Variants in SSC5D observed in about 807,000 individuals in gnomAD.
The protein encoded by SSC5D is soluble scavenger receptor cysteine-rich domain-containing protein SSC5D.
Under a neutral mutation model 104.6 loss-of-function variants are expected in SSC5D, and 106 were observed. That is an observed-to-expected ratio of 1.01 (90% CI 0.87 to 1.19). The LOEUF is 1.19. SSC5D is among the 50% of genes most tolerant of loss of function. The pLI, the probability that SSC5D is intolerant of heterozygous loss-of-function variation, is 0.00. For missense variants in SSC5D, 1,993 were observed against 2,153.8 expected (o/e 0.93, Z 1.48); for synonymous variants, 860 against 883.5 (o/e 0.97, Z 0.47).
In SSC5D at chr19:55,489,495, G is replaced by A. The variant is rs746414154; in HGVS notation, c.194G>A (p.Gly65Glu). ...GCCTGCCGGCAGCTGGGCTGCGGAG[G>A]GGCACTGGCCGCCCCGGGAGGCGCC... ...AVACRQLGCGGALAAPGGAFF... is the reference protein window; with the variant it reads ...AVACRQLGCGEALAAPGGAFF... Residue 65 changes from glycine to glutamate, a missense_variant, in exon 3 of 14, where the codon GGG (glycine) becomes GAG (glutamate). Transcript: ENST00000389623. 51 of 1,471,672 alleles carry A rather than the reference G, an allele frequency of 3.5e-5. 5 individuals carry two copies. The South Asian group carries it at 6.6e-4, about 19-fold the overall frequency. 91.2% of individuals were successfully genotyped at this position (1,471,672 alleles called of 1,614,324 possible).
chr19:55,512,970 G>A lies in SSC5D; in HGVS notation c.2786-41G>A, dbSNP rs1035925569. ...GAGAGACGGGGAGTCAAACTCAAAG[G>A]GAAGTTGGAAGACTCAATCCTCTTC... On this transcript the variant is annotated intron_variant, in intron 12 of 13. Coordinates refer to ENST00000389623, the MANE Select transcript of SSC5D (RefSeq NM_001144950.2). The A allele has an allele frequency of 2.4e-5, 37 of 1,551,336 alleles. No homozygotes were observed. In the East Asian group the frequency reaches 8.8e-4, roughly 37 times the overall value.
In SSC5D at chr19:55,493,531, A is replaced by G. The variant is rs1987210922; in HGVS notation, c.896-64A>G. The G allele has an allele frequency of 1.9e-5, 26 of 1,342,078 alleles. 1 individual carries two copies. The South Asian group carries it at 4.2e-4, about 22-fold the overall frequency. 83.1% of individuals were successfully genotyped at this position (1,342,078 alleles called of 1,614,324 possible). On this transcript the variant is annotated intron_variant, in intron 6 of 13. Transcript: ENST00000389623. ...TCTTGGGGTTGCAGCCTGCCTGAGC[A>G]TAGCTTAGTCCCCGCTCATCCACCC...
At chr19:55,498,373 C>T (rs551604126) in intron 9 of SSC5D, among the ~76,000 whole-genome samples, 176 bp downstream of exon 9, 12 of 152,256 alleles carry the variant, frequency 7.9e-5, no homozygotes, top group African/African-American at 2.9e-4. Context: ...GTGTGTTATG[C>T]CCATTTTACT....
Position 55,493,972 on chromosome 19 carries a change from C to CAAGT in SSC5D, c.1213+61_1213+64dup, listed in dbSNP as rs1987235174. Reference sequence around the variant, plus strand: ...CGTGGTGGTGCTTGGAGCGGAGGGGCAAGTTCGGCGGGGGCGGGGGGGTCC... The same window carrying CAAGT: ...CGTGGTGGTGCTTGGAGCGGAGGGGCAAGTAAGTTCGGCGGGGGCGGGGGGGTCC... On this transcript the variant is annotated intron_variant, in intron 7 of 13. Coordinates refer to ENST00000389623, the MANE Select transcript of SSC5D (RefSeq NM_001144950.2). 1.7e-5 allele frequency: 3 copies of CAAGT among 180,132 alleles called. No homozygotes were observed. The African/African-American group carries it at 1.7e-4, about 10-fold the overall frequency. 11.2% of individuals were successfully genotyped at this position (180,132 alleles called of 1,614,324 possible). A position where few individuals can be genotyped will look rare whatever the true frequency, so the allele number is the denominator to read the frequency against.
intron 12 of SSC5D, among the ~76,000 whole-genome samples, chr19:55,501,598 G>C (rs1047860589): frequency 2.6e-5 from 4 of 152,176 alleles, no homozygotes; most frequent in African/African-American, 9.7e-5. Context: ...GTCCGGGCCT[G>C]GTATGGCTCA....
chr19:55,493,506 T>C, intron 6 of SSC5D, 89 bp from the exon 7 acceptor site: 3 of 1,154,104 alleles, frequency 2.6e-6, no homozygotes, highest in Non-Finnish European at 3.5e-6. Flanking sequence ...CCCAGAGTCA[T>C]CTTGGGGTTG....
In SSC5D at chr19:55,489,337, A is replaced by G. The variant is rs1177607519; in HGVS notation, c.53-17A>G. ...AGGATGCCCCTCCCCAGTCACAGCC[A>G]TTCCTCCAACCCTCAGAGCGCCTGC... is the stretch of plus-strand genomic sequence containing the variant. On this transcript the variant is annotated splice_polypyrimidine_tract_variant and intron_variant, in intron 2 of 13. Coordinates refer to ENST00000389623, the MANE Select transcript of SSC5D (RefSeq NM_001144950.2). 6.1e-5 allele frequency: 87 copies of G among 1,430,922 alleles called. No individual in the cohort carries two copies. The South Asian group carries it at 1.2e-3, about 19-fold the overall frequency. 88.6% of individuals were successfully genotyped at this position (1,430,922 alleles called of 1,614,324 possible).
Position 55,493,832 on chromosome 19 carries a change from C to G in SSC5D, c.1133C>G (p.Thr378Arg), listed in dbSNP as rs748703264. 2 of 1,549,508 alleles carry G rather than the reference C, an allele frequency of 1.3e-6. No individual in the cohort carries two copies. The highest frequency in any genetic ancestry group is 2.4e-5 in the East Asian group (1 of 40,874). Residue 378 changes from threonine (T) to arginine (R), a missense_variant, in exon 7 of 14, where the codon ACG (threonine) becomes AGG (arginine). By Grantham distance (71) the Thr-to-Arg change is moderately conservative (BLOSUM62 -1). Around this residue, in one of 6 missense-constraint regions of SSC5D, gnomAD observed 1,101 missense variants for 1,085.0 expected, o/e 1.01. Transcript: ENST00000389623. ...GACCTTCGGTGTCGGGGAAACGAGA[C>G]GGCCTTACGATTCTGCCCAGCTCGG... ...LDDLRCRGNETALRFCPARPW... is the reference protein window; with the variant it reads ...LDDLRCRGNERALRFCPARPW...
chr19:55,494,596 C>A lies in SSC5D; in HGVS notation c.1214-14C>A. 6.6e-7 allele frequency: 1 copy of A among 1,508,190 alleles called. No homozygotes were observed. The highest frequency in any genetic ancestry group is 1.4e-5 in the African/African-American group (1 of 71,674). 93.4% of individuals were successfully genotyped at this position (1,508,190 alleles called of 1,614,324 possible). A position where few individuals can be genotyped will look rare whatever the true frequency, so the allele number is the denominator to read the frequency against. ...GTGTGTGTGGGTGGCAATCACTTAC[C>A]CCCTGCTCCACAGGCATGCCCCTGG... On this transcript the variant is annotated splice_polypyrimidine_tract_variant and intron_variant, in intron 7 of 13. Coordinates refer to ENST00000389623, the MANE Select transcript of SSC5D (RefSeq NM_001144950.2).
Position 55,517,645 on chromosome 19 carries a change from A to G in SSC5D, c.3369A>G (p.Thr1123=). 1 of 1,551,618 alleles carries G rather than the reference A, an allele frequency of 6.4e-7. No homozygotes were observed. The highest frequency in any genetic ancestry group is 8.7e-7 in the Non-Finnish European group (1 of 1,147,002). ...CAGAGCAGGTCCCAGAATCTGACAC[A>G]ACCCCAGATTTGGACACAACTCCAT... The part of the protein sequence containing the change: ...PTSEQVPESD[T]TPDLDTTPYS... Residue 1123 remains threonine, a synonymous_variant, in exon 14 of 14, where the codon ACA becomes ACG. Transcript: ENST00000389623.
rs952441546 is a variant in SSC5D at position 55,498,208 on chromosome 19, C to T, written c.1705+11C>T. 2 of 1,551,380 alleles carry T rather than the reference C, an allele frequency of 1.3e-6. No individual in the cohort carries two copies. The highest frequency in any genetic ancestry group is 1.4e-5 in the African/African-American group (1 of 73,012). Reference sequence around the variant, plus strand: ...GGGTCACCTGCACTGGTAAGGAGGCCCTAGCTATCTGTTGACTCCAGGAGG... The same window carrying T: ...GGGTCACCTGCACTGGTAAGGAGGCTCTAGCTATCTGTTGACTCCAGGAGG... On this transcript the variant is annotated intron_variant, in intron 9 of 13. Coordinates refer to ENST00000389623, the MANE Select transcript of SSC5D (RefSeq NM_001144950.2).
Position 55,518,711 on chromosome 19 carries a change from C to A in SSC5D, c.4435C>A (p.Pro1479Thr), listed in dbSNP as rs1172772914. The change falls in exon 14 of 14, where the codon CCT becomes ACT. Residue 1479 changes from proline to threonine, a missense_variant. Physicochemically the swap from Pro to Thr is conservative, Grantham distance 38 (BLOSUM62 -1). This residue lies in a region of SSC5D where 349 missense variants were observed against 397.6 expected (regional missense o/e 0.88). Coordinates refer to ENST00000389623, the MANE Select transcript of SSC5D (RefSeq NM_001144950.2). ...TGGTCCATGTGTGGCCCCAACACCACCTGTAAGGGTCATGGCTTGTGAGCC... is the reference window on the plus strand; with the variant it reads ...TGGTCCATGTGTGGCCCCAACACCAACTGTAAGGGTCATGGCTTGTGAGCC... ...PHGPCVAPTP[P>T]VRVMACEPPA... The A allele has an allele frequency of 1.9e-6, 3 of 1,550,834 alleles. No homozygotes were observed. The highest frequency in any genetic ancestry group is 2.6e-6 in the Non-Finnish European group (3 of 1,146,888).
intron 3 of SSC5D, 92 bp downstream of exon 3, chr19:55,489,754 A>T: frequency 6.7e-7 from 1 of 1,496,518 alleles, no homozygotes; most frequent in Non-Finnish European, 9.0e-7. Context: ...CTGAGTGTTC[A>T]GCAGTTCAGA....
chr19:55,495,231 ATATT>A (rs1987286162), intron 8 of SSC5D, among the ~76,000 whole-genome samples: 1 of 25,966 alleles, frequency 3.9e-5, no homozygotes, highest in South Asian at 1.4e-3. Flanking sequence ...ATATATATAT[ATATT>A]TTTTTTTTTT....
At position 55,518,641 on chromosome 19, in the gene SSC5D, C is replaced by A; in HGVS notation, c.4365C>A (p.Asp1455Glu). ...ACCCCTTGGATCATCCTCCCCTTGA[C>A]CCCCTCACCCTAGGGCCAACTCCTG... Reference protein sequence around the residue: ...TAHPLDHPPLDPLTLGPTPGQ... With the variant: ...TAHPLDHPPLEPLTLGPTPGQ... The change falls in exon 14 of 14, where the codon GAC (aspartate) becomes GAA (glutamate). Residue 1455 changes from aspartate to glutamate, a missense_variant. Transcript: ENST00000389623. The A allele has an allele frequency of 6.5e-7, 1 of 1,531,160 alleles. No individual in the cohort carries two copies. The highest frequency in any genetic ancestry group is 8.8e-7 in the Non-Finnish European group (1 of 1,136,864). The allele number at this position is 1,531,160 out of a possible 1,614,324, so 94.8% of individuals were successfully genotyped here.
At chr19:55,494,536 C>T (rs73057193) in intron 7 of SSC5D, 74 bp from the exon 8 acceptor site, 32,217 of 1,415,312 alleles carry the variant, frequency 0.023, 443 homozygotes, top group Middle Eastern at 0.045. Context: ...GGAAGGATGA[C>T]GCAGGAGGTG....
Position 55,498,112 on chromosome 19 carries a change from C to G in SSC5D, c.1620C>G (p.Thr540=). The G allele has an allele frequency of 1.9e-6, 3 of 1,551,624 alleles. No individual in the cohort carries two copies. Among genetic ancestry groups the G allele is most frequent in the Non-Finnish European group, 2.6e-6 (3 of 1,146,964 alleles). ...TAGATGATGTGGGCTGTGTGGGGAC[C>G]GAGGCTTCACTGTCCGACTGCCCTG... ...IWLDDVGCVG[T]EASLSDCPAA... Residue 540 remains threonine, a synonymous_variant, in exon 9 of 14, where the codon ACC becomes ACG. Coordinates refer to ENST00000389623, the MANE Select transcript of SSC5D (RefSeq NM_001144950.2).
At chr19:55,493,994 G>GGGGGGGGGGT in intron 7 of SSC5D, 82 bp downstream of exon 7, 9 of 143,314 alleles carry the variant, frequency 6.3e-5, no homozygotes, top group South Asian at 3.1e-4. Flanking sequence ...GGGCGGGGGG[G>GGGGGGGGGGT]TCCCTACGCG....
At chr19:55,510,796 T>G (rs1437853719) in intron 12 of SSC5D, among the ~76,000 whole-genome samples, 1 of 152,198 alleles carries the variant, frequency 6.6e-6, no homozygotes, top group Non-Finnish European at 1.5e-5. Context: ...TGTTTGTTTT[T>G]GAGAAGGAGT....
Sources: gnomAD v4.1 joint callset for allele counts (sites outside exome capture counted in the v4.1 genomes callset) on GRCh38, gnomAD v4.1.1 for gene constraint, gnomAD v4.1.1 regional missense constraint, MANE v1.5 for transcripts, NCBI Gene and HGNC (gene_info 2026-07-23, HGNC 2026-07-21) for gene names.